The following PPM1F variants were observed in gnomAD, a reference collection of about 807,000 sequenced individuals.
PPM1F encodes protein phosphatase, Mg2+/Mn2+ dependent 1F.
A neutral mutation model predicts 35.5 loss-of-function variants in PPM1F; 17 were observed. The ratio of observed to expected loss-of-function variants is 0.48; its 90% CI spans 0.33 to 0.72. The LOEUF (loss-of-function observed/expected upper bound fraction) is 0.72. PPM1F is among the 30% of genes least tolerant of loss of function. The pLI, the probability that PPM1F is intolerant of heterozygous loss-of-function variation, is 0.02. For synonymous variants in PPM1F, 241 were observed against 255.5 expected, an observed-to-expected ratio of 0.94 and a Z score of 0.54; for missense variants, 521 against 613.0, an observed-to-expected ratio of 0.85 and a Z score of 1.59.
chr22:21,930,885 A>G (rs2070580758), intron 6 of PPM1F, among the ~76,000 whole-genome samples: 1 of 152,122 alleles, frequency 6.6e-6, no homozygotes, highest in African/African-American at 2.4e-5. Context: ...ACTGGGCTGC[A>G]CTGACTGCAC....
At chr22:21,927,077 G>A (rs73149975) in intron 6 of PPM1F, among the ~76,000 whole-genome samples, 6,648 of 152,308 alleles carry the variant, frequency 0.044, 213 homozygotes, top group South Asian at 0.12. Context: ...TCCTGTCCCA[G>A]CTGAGGTGGA....
chr22:21,925,193 C>A (rs766404689), intron 7 of PPM1F: 3 of 362,270 alleles, frequency 8.3e-6, no homozygotes, highest in Non-Finnish European at 9.8e-6. Context: ...CCGCGCCCAG[C>A]GAACCCACTT....
chr22:21,927,950 T>G (rs1342298032), intron 6 of PPM1F, among the ~76,000 whole-genome samples: 6 of 76,176 alleles, frequency 7.9e-5, no homozygotes, highest in Non-Finnish European at 1.6e-4. Flanking sequence ...TTGTTTTTTT[T>G]TTTTTTTTTT....
intron 2 of PPM1F, chr22:21,941,605 A>T (rs1018656720): frequency 2.0e-5 from 3 of 152,360 alleles, no homozygotes; most frequent in African/African-American, 7.2e-5. Context: ...ATGAATGAGG[A>T]TAGGGGGCTG....
intron 5 of PPM1F, among the ~76,000 whole-genome samples, chr22:21,932,269 G>A (rs1279615794): frequency 6.6e-6 from 1 of 152,186 alleles, no homozygotes; most frequent in Non-Finnish European, 1.5e-5. Context: ...AAGCAGTTAC[G>A]CCTGCTTCAG....
At position 21,934,012 on chromosome 22, in the gene PPM1F, G is replaced by A. The variant is rs760269184; in HGVS notation, c.558+12C>T. On this transcript the variant is annotated intron_variant, in intron 4 of 7. Transcript: ENST00000263212. ...CCGAAGCTGTCCCCAGGGTCTGGAC[G>A]GGAGCACTCACAGACAAGCCGAAGA... The A allele has an allele frequency of 6.5e-6, 10 of 1,543,756 alleles. No homozygotes were observed. Among genetic ancestry groups the A allele is most frequent in the South Asian group, 4.8e-5 (4 of 83,790 alleles).
In PPM1F at chr22:21,923,220, G is replaced by C; in HGVS notation, c.1237C>G (p.Leu413Val). ...TCCAGCAGCTCTTGGGGGTCCCTGA[G>C]GAAGACCACCATGACCGTGATGTTG... ...HDNITVMVVF[L>V]RDPQELLEGG... Residue 413 changes from leucine (L) to valine (V), a missense_variant, in exon 8 of 8, where the codon CTC (leucine) becomes GTC (valine). Physicochemically the swap from Leu to Val is conservative, Grantham distance 32. Transcript: ENST00000263212. 1.2e-6 allele frequency: 2 copies of C among 1,613,600 alleles called. No individual in the cohort carries two copies. The highest frequency in any genetic ancestry group is 2.2e-5 in the East Asian group (1 of 44,874).
chr22:21,928,178 G>A (rs542810491), intron 6 of PPM1F, among the ~76,000 whole-genome samples: 4 of 151,942 alleles, frequency 2.6e-5, no homozygotes, highest in East Asian at 1.9e-4. Context: ...AGCTGGAGCC[G>A]GTGGCCTGTG....
intron 2 of PPM1F, chr22:21,942,268 A>AT (rs574812447): frequency 0.13 from 17,556 of 139,674 alleles, 1,153 homozygotes; most frequent in African/African-American, 0.14. Context: ...TGGATTCCTG[A>AT]TTTTTTTTTT....
rs900504430 is a variant in PPM1F at position 21,945,757 on chromosome 22, C to T, written c.206+86G>A. On this transcript the variant is annotated intron_variant, in intron 2 of 7. Transcript: ENST00000263212. ...CTGCAGATCCCCGTGTGGGGCTGGACGTGTAGGGGAGCAGCAGCCACATCC... is the reference window on the plus strand; with the variant it reads ...CTGCAGATCCCCGTGTGGGGCTGGATGTGTAGGGGAGCAGCAGCCACATCC... 8.8e-6 allele frequency: 12 copies of T among 1,369,544 alleles called. No homozygotes were observed. The Admixed American group carries it at 1.0e-4, about 11-fold the overall frequency. The allele number at this position is 1,369,544 out of a possible 1,614,324, so 84.8% of individuals were successfully genotyped here. A position where few individuals can be genotyped will look rare whatever the true frequency, so the allele number is the denominator to read the frequency against.
chr22:21,950,423 T>C (rs2070823596), intron 1 of PPM1F: 1 of 152,078 alleles, frequency 6.6e-6, no homozygotes, highest in Non-Finnish European at 1.5e-5. Context: ...TTTATTTTCC[T>C]CTAGTGCATT....
intron 3 of PPM1F, chr22:21,934,470 A>C: frequency 2.0e-6 from 1 of 494,306 alleles, no homozygotes; most frequent in Non-Finnish European, 3.6e-6. Flanking sequence ...ATGGGAACCC[A>C]CCCTGAAGAA....
At chr22:21,925,277 A>G (rs960192952) in intron 7 of PPM1F, 4 of 413,052 alleles carry the variant, frequency 9.7e-6, no homozygotes, top group Non-Finnish European at 1.7e-5. Flanking sequence ...GGAATATTGG[A>G]AGCTCTACTT....
chr22:21,922,996 C>A lies in PPM1F; in HGVS notation c.*96G>T. ...TGGGGAAAGCACTGTGGGGCGGGCA[C>A]CCTGTCCACTGCCTGCCACCTGTTG... On this transcript the variant is annotated 3_prime_UTR_variant, in exon 8 of 8. Coordinates refer to ENST00000263212, the MANE Select transcript of PPM1F (RefSeq NM_014634.4). 6.8e-6 allele frequency: 10 copies of A among 1,462,768 alleles called. No homozygotes were observed. Among genetic ancestry groups the A allele is most frequent in the Non-Finnish European group, 9.2e-6 (10 of 1,087,086 alleles). The allele number at this position is 1,462,768 out of a possible 1,614,324, so 90.6% of individuals were successfully genotyped here.
chr22:21,941,489 G>A (rs905590308), intron 2 of PPM1F: 3 of 152,394 alleles, frequency 2.0e-5, no homozygotes, highest in Admixed American at 6.5e-5. Context: ...GAGTCAGGCA[G>A]GGGATGGGCA....
At chr22:21,934,888 A>G (rs997042460) in intron 3 of PPM1F, 6 of 151,520 alleles carry the variant, frequency 4.0e-5, no homozygotes, top group Middle Eastern at 3.4e-3. Context: ...CTGTCTCAAA[A>G]AAAAAAAAAA....
At chr22:21,933,852 A>G (rs894177247) in intron 4 of PPM1F, among the ~76,000 whole-genome samples, 172 bp downstream of exon 4, 1 of 152,180 alleles carries the variant, frequency 6.6e-6, no homozygotes, top group Non-Finnish European at 1.5e-5. Flanking sequence ...GGCCTCCCTC[A>G]TAACAGACTC....
chr22:21,931,210 C>T lies in PPM1F; in HGVS notation c.829G>A (p.Val277Ile), dbSNP rs139401156. 6 of 1,614,076 alleles carry T rather than the reference C, an allele frequency of 3.7e-6. No individual in the cohort carries two copies. The highest frequency in any genetic ancestry group is 3.3e-5 in the South Asian group (3 of 91,092). The stretch of plus-strand genomic sequence containing the variant: ...ACCTGTCCCTGCTGTACCAAAATGA[C>T]CTGGGAATCCCCGAGCCAGGCGACG... ...LHVAWLGDSQVILVQQGQVVK... is the reference protein window; with the variant it reads ...LHVAWLGDSQIILVQQGQVVK... Residue 277 changes from valine (V) to isoleucine (I), a missense_variant, in exon 6 of 8, where the codon GTC (valine) becomes ATC (isoleucine). By Grantham distance (29) the Val-to-Ile change is conservative (BLOSUM62 3). This residue lies in a region of PPM1F where 47 missense variants were observed against 92.0 expected (regional missense o/e 0.51). Transcript: ENST00000263212.
Position 21,934,121 on chromosome 22 carries a change from T to C in PPM1F, c.461A>G (p.Gln154Arg). 1 of 1,568,344 alleles carries C rather than the reference T, an allele frequency of 6.4e-7. No individual in the cohort carries two copies. The highest frequency in any genetic ancestry group is 8.6e-7 in the Non-Finnish European group (1 of 1,156,784). ...GATGGCGTGGATGGAGACCAGCCAC[T>C]GCCGCTGTGAGGCCCGGGCAGCCAA... ...VPLAARASQR[Q>R]WLVSIHAIRN... The change falls in exon 4 of 8, where the codon CAG becomes CGG. Residue 154 changes from glutamine (Q) to arginine (R), a missense_variant. Around this residue, in one of 3 missense-constraint regions of PPM1F, gnomAD observed 311 missense variants for 351.5 expected, o/e 0.88. Coordinates refer to ENST00000263212, the MANE Select transcript of PPM1F (RefSeq NM_014634.4).
Sources: allele counts gnomAD v4.1 joint callset (sites outside exome capture counted in the v4.1 genomes callset), GRCh38; gene constraint gnomAD v4.1.1; regional missense constraint gnomAD v4.1.1; transcripts MANE v1.5; gene names NCBI Gene and HGNC (gene_info 2026-07-23, HGNC 2026-07-21).